The following MMP26 variants were observed in gnomAD, a reference collection of about 807,000 sequenced individuals.
The protein encoded by MMP26 is matrix metallopeptidase 26, also known as matrix metalloproteinase-26.
MMP26 carries 33 observed loss-of-function variants against 31.0 expected under a neutral mutation model. That is an observed-to-expected ratio of 1.06 (90% CI 0.81 to 1.42). The LOEUF is 1.42. MMP26 is among the 40% of genes most tolerant of loss of function. The probability of loss-of-function intolerance (pLI) is 0.00; values close to 1 mark genes in which losing one functional copy is unlikely to be tolerated. For synonymous variants in MMP26, 122 were observed against 114.9 expected, an observed-to-expected ratio of 1.06 and a Z score of -0.40; for missense variants, 347 against 316.1, an observed-to-expected ratio of 1.10 and a Z score of -0.74.
chr11:4,991,906 C>T, intron 6 of MMP26, 58 bp from the exon 7 acceptor site: 1 of 1,421,402 alleles, frequency 7.0e-7, no homozygotes, highest in East Asian at 2.5e-5. Context: ...ATTTCACACA[C>T]TTTCAGCATT....
At chr11:4,741,961 T>C (rs1848317568) in intron 1 of MMP26, among the ~76,000 whole-genome samples, 1 of 152,176 alleles carries the variant, frequency 6.6e-6, no homozygotes, top group African/African-American at 2.4e-5. Flanking sequence ...TACTGGAAAG[T>C]AATTACATTT....
rs533198533 is a variant in MMP26, at chr11:4,987,668, C to T, written c.-144-400C>T. ...CTCCTGACTTGTGATCTGCCCTCCT[C>T]GGCCTCCCAAAGTGCTGGGATTACA... is the stretch of plus-strand genomic sequence containing the variant. On this transcript the variant is annotated intron_variant, in intron 2 of 7. Transcript: ENST00000380390. 5.9e-5 allele frequency among the ~76,000 whole-genome samples: 9 copies of T among 152,178 alleles called. No homozygotes were observed. In the East Asian group the frequency reaches 9.7e-4, roughly 16 times the overall value.
intron 1 of MMP26, chr11:4,710,180 T>G (rs1418417758): frequency 2.2e-6 from 1 of 456,790 alleles, no homozygotes; most frequent in Admixed American, 2.3e-5. Flanking sequence ...GCCTGGCCAT[T>G]GTTATCTCTA....
intron 2 of MMP26, chr11:4,919,482 C>A (rs1005308777): frequency 6.6e-6 from 1 of 152,132 alleles, no homozygotes; most frequent in Non-Finnish European, 1.5e-5. Flanking sequence ...ACCTCATTAC[C>A]TCAGACCCTG....
intron 2 of MMP26, among the ~76,000 whole-genome samples, chr11:4,776,219 A>G (rs184293760): frequency 6.6e-6 from 1 of 152,056 alleles, no homozygotes; most frequent in South Asian, 2.1e-4. Context: ...AGGTTGATTC[A>G]TATCTTTGTA....
At chr11:4,915,249 A>G (rs1402052191) in intron 2 of MMP26, 1 of 1,614,054 alleles carries the variant, frequency 6.2e-7, no homozygotes, top group Admixed American at 1.7e-5. Context: ...GTGAGAATGG[A>G]AACATAGTGC....
intron 2 of MMP26, among the ~76,000 whole-genome samples, chr11:4,780,425 G>A (rs1848843122): frequency 1.3e-5 from 2 of 152,128 alleles, no homozygotes; most frequent in Admixed American, 6.5e-5. Flanking sequence ...TTTCCTTAAA[G>A]TTGGATGCAT....
chr11:4,818,088 C>CA (rs1207603746), intron 2 of MMP26, among the ~76,000 whole-genome samples: 3 of 152,152 alleles, frequency 2.0e-5, no homozygotes, highest in African/African-American at 7.2e-5. Flanking sequence ...AAGCAGGGCT[C>CA]AGAGTGACAG....
At chr11:4,907,513 T>C (rs2133565760) in intron 2 of MMP26, 1 of 1,614,050 alleles carries the variant, frequency 6.2e-7, no homozygotes, top group Non-Finnish European at 8.5e-7. Context: ...TTCTCTTTAT[T>C]ATAAAGACAG....
intron 2 of MMP26, among the ~76,000 whole-genome samples, chr11:4,789,572 C>T (rs1022802981): frequency 1.6e-4 from 16 of 99,430 alleles, no homozygotes; most frequent in African/African-American, 4.2e-5. Context: ...GATGGAGTCT[C>T]GCTCTGTCAC....
chr11:4,896,241 A>G (rs1418172547), intron 2 of MMP26, among the ~76,000 whole-genome samples: 1 of 152,152 alleles, frequency 6.6e-6, no homozygotes, highest in Non-Finnish European at 1.5e-5. Flanking sequence ...ATTTAATTAC[A>G]TAGAAAAACA....
At chr11:4,848,724 C>T (rs780106210) in intron 2 of MMP26, 4 of 1,613,802 alleles carry the variant, frequency 2.5e-6, no homozygotes, top group South Asian at 1.1e-5. Context: ...CAGATGGAGA[C>T]CCAGGCATCG....
intron 2 of MMP26, among the ~76,000 whole-genome samples, chr11:4,841,166 A>G (rs1168862189): frequency 1.3e-5 from 2 of 152,206 alleles, no homozygotes; most frequent in African/African-American, 2.4e-5. Flanking sequence ...TACTTACAGG[A>G]TCCAGAAAAT....
At chr11:4,942,893 A>G (rs1846235213) in intron 2 of MMP26, 1 of 152,232 alleles carries the variant, frequency 6.6e-6, no homozygotes, top group Non-Finnish European at 1.5e-5. Flanking sequence ...TTGATTGTAC[A>G]CAATTCAATA....
chr11:4,987,139 C>T (rs1435434665), intron 2 of MMP26, among the ~76,000 whole-genome samples: 1 of 151,914 alleles, frequency 6.6e-6, no homozygotes, highest in Non-Finnish European at 1.5e-5. Context: ...TCCTCAGCCT[C>T]CCAAAGTGCT....
chr11:4,857,357 G>A (rs1357182235), intron 2 of MMP26, among the ~76,000 whole-genome samples: 1 of 151,598 alleles, frequency 6.6e-6, no homozygotes, highest in East Asian at 1.9e-4. Flanking sequence ...AAAGAGAGAA[G>A]AATCAAATAG....
intron 1 of MMP26, among the ~76,000 whole-genome samples, chr11:4,713,068 C>T (rs540272649): frequency 2.0e-5 from 3 of 151,958 alleles, no homozygotes; most frequent in East Asian, 1.9e-4. Flanking sequence ...TTTCTATAAA[C>T]GGATATATCA....
At chr11:4,945,700 G>T (rs1846287438) in intron 2 of MMP26, 1 of 205,956 alleles carries the variant, frequency 4.9e-6, no homozygotes, top group Admixed American at 5.3e-5. Flanking sequence ...ATATAACCAT[G>T]TAAAAATCCA....
chr11:4,746,562 G>T (rs755130292), intron 1 of MMP26, among the ~76,000 whole-genome samples: 5 of 152,144 alleles, frequency 3.3e-5, no homozygotes, highest in Non-Finnish European at 7.3e-5. Context: ...TTGGGGCCGG[G>T]CATGGTGGCT....
Sources: gnomAD v4.1 joint callset for allele counts (sites outside exome capture counted in the v4.1 genomes callset) on GRCh38, gnomAD v4.1.1 for gene constraint, MANE v1.5 for transcripts, NCBI Gene and HGNC (gene_info 2026-07-23, HGNC 2026-07-21) for gene names.